The following CDC42BPA variants were observed in gnomAD, a reference collection of about 807,000 sequenced individuals.
CDC42BPA encodes serine/threonine-protein kinase MRCK alpha.
Under a neutral mutation model 223.5 loss-of-function variants are expected in CDC42BPA, and 80 were observed. The observed-to-expected ratio is 0.36, with a 90% CI of 0.30 to 0.43. The LOEUF (loss-of-function observed/expected upper bound fraction) is 0.43, where lower values mean the gene tolerates loss of function less well. CDC42BPA is among the 20% of genes least tolerant of loss of function. The pLI is 1.00. For missense variants in CDC42BPA, 1,743 were observed against 2,099.9 expected (o/e 0.83, Z 3.32); for synonymous variants, 694 against 718.6 (o/e 0.97, Z 0.55).
intron 13 of CDC42BPA, 47 bp from the exon 14 acceptor site, chr1:227,112,469 T>C: frequency 7.2e-7 from 1 of 1,395,032 alleles, no homozygotes; most frequent in Non-Finnish European, 9.8e-7. Flanking sequence ...ATAATTTTTT[T>C]CCAAACAAAA....
intron 4 of CDC42BPA, among the ~76,000 whole-genome samples, chr1:227,198,431 C>A (rs1671106663): frequency 1.1e-4 from 2 of 18,788 alleles, no homozygotes; most frequent in Admixed American, 5.1e-4. Context: ...GAGCAAGATC[C>A]AGCAAACAAA....
chr1:227,267,369 G>C (rs966701792), intron 1 of CDC42BPA, among the ~76,000 whole-genome samples: 1 of 152,148 alleles, frequency 6.6e-6, no homozygotes, highest in East Asian at 1.9e-4. Context: ...GAAGACCTGT[G>C]AGAGGGGAAG....
chr1:227,163,129 CAT>C (rs200074344), intron 5 of CDC42BPA, among the ~76,000 whole-genome samples: 1,700 of 74,966 alleles, frequency 0.023, 38 homozygotes, highest in East Asian at 0.085. Context: ...TGTTTCCAAA[CAT>C]ATGTGTGTGT....
intron 11 of CDC42BPA, among the ~76,000 whole-genome samples, chr1:227,120,577 T>C (rs76470167): frequency 6.6e-6 from 1 of 152,344 alleles, no homozygotes; most frequent in African/African-American, 2.4e-5. Flanking sequence ...CCTTACAAGA[T>C]AATGTTATTA....
chr1:227,050,959 C>T (rs1389337804), intron 22 of CDC42BPA, among the ~76,000 whole-genome samples: 1 of 152,128 alleles, frequency 6.6e-6, no homozygotes, highest in Non-Finnish European at 1.5e-5. Flanking sequence ...TTTATATTCT[C>T]TGAATGCTTG....
At chr1:227,227,630 G>A (rs913767450) in intron 2 of CDC42BPA, among the ~76,000 whole-genome samples, 4 of 152,114 alleles carry the variant, frequency 2.6e-5, no homozygotes, top group African/African-American at 7.2e-5. Context: ...TGGATATCCA[G>A]GCATCATAGC....
At chr1:227,008,149 G>T (rs144782263) in intron 34 of CDC42BPA, among the ~76,000 whole-genome samples, 1 of 152,136 alleles carries the variant, frequency 6.6e-6, no homozygotes, top group Non-Finnish European at 1.5e-5. Context: ...GATATTTGCT[G>T]AATAAATAAA....
Position 227,101,103 on chromosome 1 carries a change from T to C in CDC42BPA, c.2138A>G (p.Asn713Ser), listed in dbSNP as rs1002394875. The C allele has an allele frequency of 1.3e-6, 2 of 1,572,906 alleles. No homozygotes were observed. Among genetic ancestry groups the C allele is most frequent in the African/African-American group, 2.7e-5 (2 of 74,066 alleles). ...ELSKREGIHA[N>S]EIKNLKKELH... ...TTCTTTCTTAAGATTTTTTATTTCATTTGCATGTATTCCTTCTCTTTTAGA... is the reference window on the plus strand; with the variant it reads ...TTCTTTCTTAAGATTTTTTATTTCACTTGCATGTATTCCTTCTCTTTTAGA... The change falls in exon 15 of 37, where the codon AAT becomes AGT. Residue 713 changes from asparagine (N) to serine (S), a missense_variant. Transcript: ENST00000366766.
chr1:227,303,818 T>G (rs1252701782), intron 1 of CDC42BPA, among the ~76,000 whole-genome samples: 1 of 152,194 alleles, frequency 6.6e-6, no homozygotes, highest in Non-Finnish European at 1.5e-5. Flanking sequence ...TTATGACTCT[T>G]TAAAAAAATT....
chr1:227,051,052 A>G (rs142507548), intron 22 of CDC42BPA, among the ~76,000 whole-genome samples: 214 of 152,322 alleles, frequency 1.4e-3, no homozygotes, highest in African/African-American at 4.1e-3. Flanking sequence ...GGTCTCATTA[A>G]CTTAAACAAT....
intron 14 of CDC42BPA, among the ~76,000 whole-genome samples, chr1:227,102,859 T>C (rs1572826063): frequency 6.6e-6 from 1 of 152,126 alleles, no homozygotes; most frequent in Admixed American, 6.6e-5. Context: ...AATCTCAGTA[T>C]GTAAAAATCC....
intron 15 of CDC42BPA, among the ~76,000 whole-genome samples, chr1:227,100,747 AGTGTGTGT>A (rs57210205): frequency 8.7e-5 from 12 of 137,424 alleles, no homozygotes; most frequent in South Asian, 4.9e-4. Flanking sequence ...ATACCCAGCT[AGTGTGTGT>A]GTGTGTGTGT....
rs749085979 is a variant in CDC42BPA, at chr1:227,031,356, T to C, written c.3717A>G (p.Lys1239=). 2.5e-6 allele frequency: 4 copies of C among 1,614,134 alleles called. No homozygotes were observed. Among genetic ancestry groups the C allele is most frequent in the Admixed American group, 3.3e-5 (2 of 60,026 alleles). The stretch of plus-strand genomic sequence containing the variant: ...GGGGTAGAGTGCTGTCATAAGCCTC[T>C]TTGGGAACATAGACTGAGCGGTCTC... ...KFRDRSVYVP[K]EAYDSTLPLI... The change falls in exon 28 of 37, where the codon AAA becomes AAG. Residue 1239 remains lysine, a synonymous_variant. Coordinates refer to ENST00000366766, the MANE Select transcript of CDC42BPA (RefSeq NM_001394014.1).
At chr1:227,273,176 TA>T (rs1232804775) in intron 1 of CDC42BPA, among the ~76,000 whole-genome samples, 2 of 152,082 alleles carry the variant, frequency 1.3e-5, no homozygotes, top group Non-Finnish European at 2.9e-5. Flanking sequence ...CGCATGCCTG[TA>T]ATCTCAGCTA....
chr1:227,237,968 G>T (rs984513343), intron 2 of CDC42BPA, among the ~76,000 whole-genome samples: 1 of 150,634 alleles, frequency 6.6e-6, no homozygotes, highest in Non-Finnish European at 1.5e-5. Flanking sequence ...GAACCCAGGG[G>T]TGGAGGTTGC....
intron 6 of CDC42BPA, among the ~76,000 whole-genome samples, chr1:227,150,571 C>G (rs549280664): frequency 9.9e-5 from 15 of 152,064 alleles, no homozygotes; most frequent in African/African-American, 3.6e-4. Context: ...TAAACAAGCA[C>G]TAAAGGGTAT....
intron 17 of CDC42BPA, among the ~76,000 whole-genome samples, chr1:227,079,190 A>G (rs1243970049): frequency 6.6e-6 from 1 of 152,176 alleles, no homozygotes; most frequent in Admixed American, 6.5e-5. Flanking sequence ...TTTCTAAATA[A>G]AAAGTAGGGT....
At chr1:227,269,643 T>C (rs1022734683) in intron 1 of CDC42BPA, among the ~76,000 whole-genome samples, 1 of 151,966 alleles carries the variant, frequency 6.6e-6, no homozygotes, top group African/African-American at 2.4e-5. Context: ...AATTAACACA[T>C]AGAACATACA....
At chr1:227,208,546 A>C (rs1000071968) in intron 3 of CDC42BPA, among the ~76,000 whole-genome samples, 5 of 149,460 alleles carry the variant, frequency 3.3e-5, no homozygotes, top group Non-Finnish European at 7.4e-5. Flanking sequence ...GGTGTAAGGA[A>C]GGGATCCAGT....
Sources: gnomAD v4.1 joint callset for allele counts (sites outside exome capture counted in the v4.1 genomes callset) on GRCh38, gnomAD v4.1.1 for gene constraint, MANE v1.5 for transcripts, NCBI Gene and HGNC (gene_info 2026-07-23, HGNC 2026-07-21) for gene names.